AWAT2: variants seen among roughly 807,000 people sequenced by gnomAD.
The protein encoded by AWAT2 is 11-cis-RE-synthase.
In AWAT2, 9 loss-of-function variants were observed where a neutral mutation model predicts 22.3. The ratio of observed to expected loss-of-function variants is 0.40; its 90% CI spans 0.24 to 0.70. The LOEUF is 0.70. Among genes scored for constraint, AWAT2 ranks in the 30% least tolerant of loss-of-function variants. The pLI, the probability that AWAT2 is intolerant of heterozygous loss-of-function variation, is 0.36. For missense variants in AWAT2, 217 were observed against 265.9 expected (o/e 0.82, Z 1.28); for synonymous variants, 100 against 93.4 (o/e 1.07, Z -0.40).
intron 6 of AWAT2, 34 bp from the exon 7 acceptor site, chrX:70,041,996 G>A (rs755394818): frequency 2.5e-6 from 3 of 1,193,393 alleles, no homozygotes; most frequent in Non-Finnish European, 2.3e-6. Context: ...AAAGGGAAAA[G>A]CATCAGAATA....
chrX:70,045,896 GC>G (rs2020358548), intron 1 of AWAT2, among the ~76,000 whole-genome samples: 1 of 111,181 alleles, frequency 9.0e-6, no homozygotes, highest in African/African-American at 3.3e-5. Context: ...TGAGCAAGGT[GC>G]CCAGGGCACA....
At chrX:70,042,890 A>C in intron 5 of AWAT2, 179 bp downstream of exon 5, 1 of 417,689 alleles carries the variant, frequency 2.4e-6, no homozygotes, top group Non-Finnish European at 3.7e-6. Context: ...TTTTTTTTTA[A>C]CTTATTTATT....
intron 1 of AWAT2, among the ~76,000 whole-genome samples, chrX:70,045,009 G>A (rs2020353631): frequency 8.9e-6 from 1 of 112,560 alleles, no homozygotes; most frequent in Non-Finnish European, 1.9e-5. Context: ...AGTAAGATAG[G>A]AACACTGTAG....
Position 70,043,698 on chromosome X carries a change from G to T in AWAT2, c.268-16C>A, listed in dbSNP as rs773923797. ...TCTTCAGAAGCTGCGGAAGAAAGTAGAATCAGGAGGGCTATTCCCAGGGTA... is the reference window on the plus strand; with the variant it reads ...TCTTCAGAAGCTGCGGAAGAAAGTATAATCAGGAGGGCTATTCCCAGGGTA... On this transcript the variant is annotated splice_polypyrimidine_tract_variant and intron_variant, in intron 3 of 7. Transcript: ENST00000276101. The T allele has an allele frequency of 8.5e-7, 1 of 1,180,018 alleles. No individual in the cohort carries two copies. The highest frequency in any genetic ancestry group is 1.8e-5 in the South Asian group (1 of 54,217).
At chrX:70,041,645 G>T in intron 7 of AWAT2, 23 bp from the exon 8 acceptor site, 1 of 476,312 alleles carries the variant, frequency 2.1e-6, no homozygotes, top group Non-Finnish European at 3.4e-6. Context: ...AAAAGGAGGT[G>T]GGAAAAGGAG....
chrX:70,043,648 T>G lies in AWAT2; in HGVS notation c.302A>C (p.Asn101Thr). The G allele has an allele frequency of 8.3e-7, 1 of 1,209,607 alleles. No homozygotes were observed. Among genetic ancestry groups the G allele is most frequent in the Non-Finnish European group, 1.1e-6 (1 of 894,690 alleles). ...LKTHDICPSR[N>T]YILVCHPHGL... ...ATGAGGGTGGCAGACGAGGATGTAG[T>G]TGCGGCTGGGGCAGATGTCATGAGT... is the stretch of plus-strand genomic sequence containing the variant. The change falls in exon 4 of 8, where the codon AAC (asparagine) becomes ACC (threonine). Residue 101 changes from asparagine (N) to threonine (T), a missense_variant. Transcript: ENST00000276101.
At chrX:70,041,670 A>C (rs2020328902) in intron 7 of AWAT2, 48 bp from the exon 8 acceptor site, 1 of 607,189 alleles carries the variant, frequency 1.6e-6, no homozygotes, top group South Asian at 3.7e-5. Flanking sequence ...GAAAACAAGC[A>C]AATGAACAAA....
chrX:70,049,647 A>T (rs1227746918), intron 1 of AWAT2, among the ~76,000 whole-genome samples: 1 of 112,080 alleles, frequency 8.9e-6, no homozygotes, highest in African/African-American at 3.2e-5. Context: ...ACCCATATGC[A>T]CACACACATG....
chrX:70,044,431 C>G lies in AWAT2; in HGVS notation c.117G>C (p.Leu39=), dbSNP rs746773340. Residue 39 remains leucine, a synonymous_variant, in exon 2 of 8, where the codon CTG becomes CTC. Coordinates refer to ENST00000276101, the MANE Select transcript of AWAT2 (RefSeq NM_001002254.1). The part of the protein sequence containing the change: ...TTTVIAVNLY[L]VVFTPYWPVT... ...CAGGCCAGTATGGTGTGAACACCAC[C>G]AGGTAGAGGTTGACAGCAATCACAG... is the stretch of plus-strand genomic sequence containing the variant. The G allele has an allele frequency of 2.9e-5, 35 of 1,211,746 alleles. No individual in the cohort carries two copies. Among genetic ancestry groups the G allele is most frequent in the Middle Eastern group, 2.3e-4 (1 of 4,347 alleles).
intron 3 of AWAT2, 112 bp from the exon 4 acceptor site, chrX:70,043,794 T>C: frequency 1.0e-6 from 1 of 982,332 alleles, no homozygotes; most frequent in Admixed American, 3.0e-5. Context: ...GGTTGCCCAA[T>C]GTGCAACTCC....
chrX:70,046,121 T>G (rs2020360165), intron 1 of AWAT2, among the ~76,000 whole-genome samples: 1 of 111,870 alleles, frequency 8.9e-6, no homozygotes, highest in African/African-American at 3.3e-5. Context: ...CTTAGATTCT[T>G]GTTGCATTTG....
intron 1 of AWAT2, among the ~76,000 whole-genome samples, chrX:70,046,312 T>C (rs2020361410): frequency 8.9e-6 from 1 of 111,894 alleles, no homozygotes; most frequent in Non-Finnish European, 1.9e-5. Context: ...ATTTTTCTAA[T>C]ACTTTGTGGT....
chrX:70,043,152 A>T lies in AWAT2; in HGVS notation c.564T>A (p.Ala188=). 4.1e-6 allele frequency: 5 copies of T among 1,206,390 alleles called. No individual in the cohort carries two copies. The highest frequency in any genetic ancestry group is 5.6e-6 in the Non-Finnish European group (5 of 892,922). Residue 188 remains alanine, a synonymous_variant, in exon 5 of 8, where the codon GCT becomes GCA. Coordinates refer to ENST00000276101, the MANE Select transcript of AWAT2 (RefSeq NM_001002254.1). The stretch of plus-strand genomic sequence containing the variant: ...AACCTGGCAGGCTGTATCTGCACTC[A>T]GCCAGTCCACCAATCACCACAATGA... The part of the protein sequence containing the change: ...NMVIVVIGGL[A]ECRYSLPGSS...
At chrX:70,047,085 T>C (rs2020367124) in intron 1 of AWAT2, among the ~76,000 whole-genome samples, 1 of 112,148 alleles carries the variant, frequency 8.9e-6, no homozygotes, top group Non-Finnish European at 1.9e-5. Flanking sequence ...GGTGACTAAA[T>C]AGCTCAATTA....
chrX:70,043,503 G>A lies in AWAT2; in HGVS notation c.447C>T (p.Phe149=). ...CTGTAGACATTACATATTCTCTGAG[G>A]AAAGGCATCCAGAAAAAGGCTCCCA... ...LTLGAFFWMP[F]LREYVMSTGA... is the part of the protein sequence containing the mutation. Residue 149 remains phenylalanine, a synonymous_variant, in exon 4 of 8, where the codon TTC becomes TTT. Coordinates refer to ENST00000276101, the MANE Select transcript of AWAT2 (RefSeq NM_001002254.1). The A allele has an allele frequency of 8.3e-7, 1 of 1,210,571 alleles. No homozygotes were observed.
intron 1 of AWAT2, among the ~76,000 whole-genome samples, chrX:70,044,870 G>C (rs2020352712): frequency 8.9e-6 from 1 of 112,590 alleles, no homozygotes. Context: ...TCTTCTCTCT[G>C]AGGCATTAGT....
chrX:70,046,716 A>T (rs926471103), intron 1 of AWAT2, among the ~76,000 whole-genome samples: 1 of 111,646 alleles, frequency 9.0e-6, no homozygotes, highest in Admixed American at 9.6e-5. Context: ...GTACTCAATA[A>T]TTTTATCTGT....
chrX:70,045,146 G>T (rs1280361014), intron 1 of AWAT2, among the ~76,000 whole-genome samples: 1 of 112,276 alleles, frequency 8.9e-6, no homozygotes, highest in African/African-American at 3.2e-5. Flanking sequence ...TAAAAGGTTA[G>T]AAAAGACAGA....
chrX:70,047,034 A>G (rs1044082100), intron 1 of AWAT2, among the ~76,000 whole-genome samples: 10 of 112,149 alleles, frequency 8.9e-5, no homozygotes, highest in African/African-American at 3.2e-4. Context: ...TATTAACTTC[A>G]GGGAAAACAG....
Sources: allele counts gnomAD v4.1 joint callset (sites outside exome capture counted in the v4.1 genomes callset), GRCh38; gene constraint gnomAD v4.1.1; transcripts MANE v1.5; gene names NCBI Gene and HGNC (gene_info 2026-07-23, HGNC 2026-07-21).